Variants in BRD2 observed in about 807,000 individuals in gnomAD.
BRD2 encodes bromodomain-containing protein 2.
BRD2 carries 15 observed loss-of-function variants against 79.1 expected under a neutral mutation model. The ratio of observed to expected loss-of-function variants is 0.19; its 90% confidence interval spans 0.13 to 0.29. The LOEUF is 0.29. Ranked by LOEUF, BRD2 falls within the 10% of genes least tolerant of loss-of-function variation. The pLI is 1.00. For missense variants in BRD2, 1,053 were observed against 991.3 expected (o/e 1.06, Z -0.84); for synonymous variants, 488 against 358.6 (o/e 1.36, Z -4.08).
intron 10 of BRD2, chr6:32,979,168 C>A: frequency 6.4e-6 from 1 of 157,426 alleles, no homozygotes; most frequent in South Asian, 1.4e-4. Context: ...TCTCCTGCCT[C>A]AGCCTCCCAA....
intron 2 of BRD2, among the ~76,000 whole-genome samples, chr6:32,973,631 C>T (rs949675198): frequency 1.3e-5 from 2 of 152,056 alleles, no homozygotes; most frequent in African/African-American, 2.4e-5. Flanking sequence ...ACCAGAGGGA[C>T]TGTAAATGAA....
rs1779539978 is a variant in BRD2, at chr6:32,981,422, A to T, written c.*704A>T. Reference sequence around the variant, plus strand: ...CTGCAGTGAGAAAAGGCAATAGCTAACCTATAATTGGATTGTCTTAATTTT... The same window carrying T: ...CTGCAGTGAGAAAAGGCAATAGCTATCCTATAATTGGATTGTCTTAATTTT... On this transcript the variant is annotated 3_prime_UTR_variant, in exon 13 of 13. Transcript: ENST00000374825. 1 of 152,204 alleles carries T rather than the reference A, an allele frequency of 6.6e-6. No homozygotes were observed. The highest frequency in any genetic ancestry group is 1.5e-5 in the Non-Finnish European group (1 of 68,038). 9.4% of individuals were successfully genotyped at this position (152,204 alleles called of 1,614,324 possible).
intron 3 of BRD2, 97 bp from the exon 4 acceptor site, chr6:32,975,283 GGGGT>G (rs1263250897): frequency 6.7e-4 from 626 of 932,434 alleles, no homozygotes; most frequent in Middle Eastern, 1.7e-3. Flanking sequence ...ATGCATAGGG[GGGGT>G]GTGTGTGTGT....
chr6:32,980,399 A>C lies in BRD2; in HGVS notation c.2204A>C (p.Glu735Ala). Residue 735 changes from glutamate to alanine, a missense_variant, in exon 12 of 13, where the codon GAA (glutamate) becomes GCA (alanine). Around this residue, in one of 5 missense-constraint regions of BRD2, gnomAD observed 139 missense variants for 133.2 expected, o/e 1.04. Coordinates refer to ENST00000374825, the MANE Select transcript of BRD2 (RefSeq NM_005104.4). ...GAACTGGCTTTGGAGAAAAAGCGGG[A>C]ATTAGAAAAGCGGTTACAAGATGTC... is the stretch of plus-strand genomic sequence containing the variant. ...KEELALEKKR[E>A]LEKRLQDVSG... The C allele has an allele frequency of 6.2e-7, 1 of 1,613,090 alleles. No homozygotes were observed. Among genetic ancestry groups the C allele is most frequent in the African/African-American group, 1.3e-5 (1 of 75,040 alleles).
rs889191248 is a variant in BRD2 at position 32,979,976 on chromosome 6, C to G, written c.1990C>G (p.Arg664Gly). ...CAAATTACCTGGGGAGAAGCTGGGC[C>G]GAGTTGTGCATATAATCCAAGCCAG... ...INKLPGEKLG[R>G]VVHIIQAREP... is the part of the protein sequence containing the mutation. Residue 664 changes from arginine (R) to glycine (G), a missense_variant, in exon 11 of 13, where the codon CGA becomes GGA. By Grantham distance (125) the Arg-to-Gly change is moderately radical. This residue lies in a region of BRD2 where 44 missense variants were observed against 73.7 expected (regional missense o/e 0.60). Transcript: ENST00000374825. 1 of 1,612,952 alleles carries G rather than the reference C, an allele frequency of 6.2e-7. No individual in the cohort carries two copies.
chr6:32,974,699 T>G lies in BRD2; in HGVS notation c.267T>G (p.Ala89=). Residue 89 remains alanine, a synonymous_variant, in exon 3 of 13, where the codon GCT becomes GCG. Transcript: ENST00000374825. The part of the protein sequence containing the change: ...LQYLHKVVMK[A]LWKHQFAWPF... Reference sequence around the variant, plus strand: ...ACCTACACAAGGTAGTGATGAAGGCTCTGTGGAAACATCAGTTCGCATGGC... The same window carrying G: ...ACCTACACAAGGTAGTGATGAAGGCGCTGTGGAAACATCAGTTCGCATGGC... 6.2e-7 allele frequency: 1 copy of G among 1,614,174 alleles called. No individual in the cohort carries two copies. The highest frequency in any genetic ancestry group is 8.5e-7 in the Non-Finnish European group (1 of 1,180,020).
chr6:32,973,062 G>C (rs542484085), intron 2 of BRD2, 135 bp downstream of exon 2: 2 of 1,594,748 alleles, frequency 1.3e-6, no homozygotes, highest in South Asian at 2.2e-5. Flanking sequence ...CGGTCGCGCG[G>C]AGGGAATTGA....
At position 32,976,679 on chromosome 6, in the gene BRD2, C is replaced by T. The variant is rs749922515; in HGVS notation, c.943C>T (p.Pro315Ser). 1 of 1,613,014 alleles carries T rather than the reference C, an allele frequency of 6.2e-7. No homozygotes were observed. The highest frequency in any genetic ancestry group is 8.5e-7 in the Non-Finnish European group (1 of 1,180,042). The change falls in exon 7 of 13, where the codon CCT becomes TCT. Residue 315 changes from proline to serine, a missense_variant. Transcript: ENST00000374825. ...SLEPKAARLP[P>S]MRRESGRPIK... ...TGAGCCTAAGGCAGCACGGCTTCCC[C>T]CTATGCGTAGAGAGAGTGGTCGCCC...
At position 32,977,211 on chromosome 6, in the gene BRD2, A is replaced by T. The variant is rs1299694077; in HGVS notation, c.1201-231A>T. The T allele has an allele frequency of 2.7e-6, 4 of 1,508,960 alleles. No individual in the cohort carries two copies. In the South Asian group the frequency reaches 4.8e-5, roughly 18 times the overall value. 93.5% of individuals were successfully genotyped at this position (1,508,960 alleles called of 1,614,324 possible). A position where few individuals can be genotyped will look rare whatever the true frequency, so the allele number is the denominator to read the frequency against. On this transcript the variant is annotated intron_variant, in intron 7 of 12. Coordinates refer to ENST00000374825, the MANE Select transcript of BRD2 (RefSeq NM_005104.4). ...GTTAAGGAAGTTATAGGGTGGAAAA[A>T]CAGGCATAGGCCACCTCTCTGTCAC...
chr6:32,976,246 C>G lies in BRD2; in HGVS notation c.611-4C>G, dbSNP rs147965395. Reference sequence around the variant, plus strand: ...TCAAACTACACTTTTTTCCTTTTTTCTAGCGCTCCAGGGCAGTGTTACCAG... The same window carrying G: ...TCAAACTACACTTTTTTCCTTTTTTGTAGCGCTCCAGGGCAGTGTTACCAG... On this transcript the variant is annotated splice_polypyrimidine_tract_variant and splice_region_variant and intron_variant, in intron 5 of 12. Transcript: ENST00000374825. 6,961 of 1,605,152 alleles carry G rather than the reference C, an allele frequency of 4.3e-3. 34 individuals carry two copies. Among genetic ancestry groups the G allele is most frequent in the Non-Finnish European group, 5.4e-3 (6,412 of 1,177,272 alleles).
Position 32,978,248 on chromosome 6 carries a change from T to C in BRD2, c.1701T>C (p.Ala567=). 1 of 1,613,030 alleles carries C rather than the reference T, an allele frequency of 6.2e-7. No homozygotes were observed. The highest frequency in any genetic ancestry group is 8.5e-7 in the Non-Finnish European group (1 of 1,180,018). The change falls in exon 10 of 13, where the codon GCT becomes GCC. Residue 567 remains alanine, a synonymous_variant. Coordinates refer to ENST00000374825, the MANE Select transcript of BRD2 (RefSeq NM_005104.4). ...AGGCAGAGAAGCATCGAGGCCGAGC[T>C]GGGGCCGATGAAGATGACAAGGGGC... The part of the protein sequence containing the change: ...KRKAEKHRGR[A]GADEDDKGPR...
In BRD2 at chr6:32,980,463, A is replaced by C; in HGVS notation, c.2268A>C (p.Lys756Asn). 1 of 1,613,046 alleles carries C rather than the reference A, an allele frequency of 6.2e-7. No individual in the cohort carries two copies. The highest frequency in any genetic ancestry group is 8.5e-7 in the Non-Finnish European group (1 of 1,180,020). ...ATTCTACTAAAAAGCCCCCCAAGAA[A>C]GGTGAGTATATACTTTCATGCCACT... ...QLNSTKKPPKKANEKTESSSA... is the reference protein window; with the variant it reads ...QLNSTKKPPKNANEKTESSSA... The change falls in exon 12 of 13, where the codon AAA becomes AAC. Residue 756 changes from lysine to asparagine, a missense_variant and splice_region_variant. This residue lies in a region of BRD2 where 139 missense variants were observed against 133.2 expected (regional missense o/e 1.04). Transcript: ENST00000374825.
At position 32,975,316 on chromosome 6, in the gene BRD2, C is replaced by A. The variant is rs550080054; in HGVS notation, c.334-68C>A. ...TGTGTGTGTGTGTGTGTGTGAGAGT[C>A]GGGGATCGGTAGTCTCCCTATAAGC... is the stretch of plus-strand genomic sequence containing the variant. On this transcript the variant is annotated intron_variant, in intron 3 of 12. Transcript: ENST00000374825. 225 of 1,256,810 alleles carry A rather than the reference C, an allele frequency of 1.8e-4. No individual in the cohort carries two copies. The African/African-American group carries it at 3.4e-3, about 19-fold the overall frequency. 77.9% of individuals were successfully genotyped at this position (1,256,810 alleles called of 1,614,324 possible).
chr6:32,969,690 C>G (rs1777773424), intron 1 of BRD2, among the ~76,000 whole-genome samples: 1 of 152,176 alleles, frequency 6.6e-6, no homozygotes, highest in African/African-American at 2.4e-5. Flanking sequence ...CGTGTCTACT[C>G]CAGGCTGGGG....
chr6:32,974,824 G>A, intron 3 of BRD2, 59 bp downstream of exon 3: 1 of 1,574,294 alleles, frequency 6.4e-7, no homozygotes, highest in East Asian at 2.3e-5. Flanking sequence ...GTGTGAATGG[G>A]GGTGGTCTGC....
rs1779417344 is a variant in BRD2 at position 32,980,675 on chromosome 6, C to T, written c.2363C>T (p.Ser788Phe). ...SSSSDSSSSS[S>F]SSSSSDTSDS... ...AGCTCAGATTCCAGCTCCTCCTCTTCCTCGTCGTCGTCTTCAGACACCAGT... is the reference window on the plus strand; with the variant it reads ...AGCTCAGATTCCAGCTCCTCCTCTTTCTCGTCGTCGTCTTCAGACACCAGT... The change falls in exon 13 of 13, where the codon TCC becomes TTC. Residue 788 changes from serine to phenylalanine, a missense_variant. Coordinates refer to ENST00000374825, the MANE Select transcript of BRD2 (RefSeq NM_005104.4). 6.2e-7 allele frequency: 1 copy of T among 1,613,160 alleles called. No individual in the cohort carries two copies. Among genetic ancestry groups the T allele is most frequent in the Non-Finnish European group, 8.5e-7 (1 of 1,180,052 alleles).
In BRD2 at chr6:32,972,844, C is replaced by G. The variant is rs2071571; in HGVS notation, c.-55C>G. On this transcript the variant is annotated 5_prime_UTR_variant, in exon 2 of 13. Transcript: ENST00000374825. Reference sequence around the variant, plus strand: ...TGCTGGACCGGGCGGTGAGGGGAACCGAGGCCACCCGGACTTTCCGCGGCT... The same window carrying G: ...TGCTGGACCGGGCGGTGAGGGGAACGGAGGCCACCCGGACTTTCCGCGGCT... 4 of 1,613,326 alleles carry G rather than the reference C, an allele frequency of 2.5e-6. No homozygotes were observed. The highest frequency in any genetic ancestry group is 3.4e-6 in the Non-Finnish European group (4 of 1,179,924).
Position 32,981,236 on chromosome 6 carries a change from T to G in BRD2, c.*518T>G, listed in dbSNP as rs1307374444. 2 of 154,066 alleles carry G rather than the reference T, an allele frequency of 1.3e-5. No homozygotes were observed. Among genetic ancestry groups the G allele is most frequent in the Non-Finnish European group, 2.9e-5 (2 of 69,184 alleles). The allele number at this position is 154,066 out of a possible 1,614,324, so 9.5% of individuals were successfully genotyped here. A position where few individuals can be genotyped will look rare whatever the true frequency, so the allele number is the denominator to read the frequency against. On this transcript the variant is annotated 3_prime_UTR_variant, in exon 13 of 13. Coordinates refer to ENST00000374825, the MANE Select transcript of BRD2 (RefSeq NM_005104.4). Reference sequence around the variant, plus strand: ...CGCTCCATTTGGGGCCCTGGGGGTTTCAGTCATCTCCCCATTTGGTCCCCT... The same window carrying G: ...CGCTCCATTTGGGGCCCTGGGGGTTGCAGTCATCTCCCCATTTGGTCCCCT...
At chr6:32,978,607 C>G in intron 10 of BRD2, 1 of 694,992 alleles carries the variant, frequency 1.4e-6, no homozygotes, top group Admixed American at 3.0e-5. Context: ...GAAACTGTTC[C>G]ACCTCAGATC....
Sources: gnomAD v4.1 joint callset for allele counts (sites outside exome capture counted in the v4.1 genomes callset) on GRCh38, gnomAD v4.1.1 for gene constraint, gnomAD v4.1.1 regional missense constraint, MANE v1.5 for transcripts, NCBI Gene and HGNC (gene_info 2026-07-23, HGNC 2026-07-21) for gene names.